The following CAGE1 variants were observed in gnomAD, a reference collection of about 807,000 sequenced individuals.
CAGE1 encodes cancer-associated gene 1 protein.
A neutral mutation model predicts 94.9 loss-of-function variants in CAGE1; 66 were observed. The observed-to-expected ratio is 0.70, with a 90% confidence interval of 0.57 to 0.85. The LOEUF is 0.85. CAGE1 is among the 40% of genes least tolerant of loss of function. The probability of loss-of-function intolerance (pLI) is 0.00; values close to 1 mark genes in which losing one functional copy is unlikely to be tolerated. For synonymous variants in CAGE1, 319 were observed against 321.0 expected (o/e 0.99, Z 0.07); for missense variants, 865 against 950.4 (o/e 0.91, Z 1.18).
Position 7,365,537 on chromosome 6 carries a change from T to C in CAGE1, c.2124A>G (p.Arg708=). 1.2e-6 allele frequency: 2 copies of C among 1,612,294 alleles called. No homozygotes were observed. The highest frequency in any genetic ancestry group is 1.7e-6 in the Non-Finnish European group (2 of 1,178,604). ...TGGCTCCCAGAAGGGTAGGTACATC[T>C]CTGATACTCTTGGCTTCATCTGAAT... ...DCDSDEAKSI[R]DVPTLLGAKL... Residue 708 remains arginine (R), a synonymous_variant, in exon 9 of 14, where the codon AGA becomes AGG. Coordinates refer to ENST00000502583, the MANE Select transcript of CAGE1 (RefSeq NM_001170692.2).
chr6:7,347,860 A>G (rs905204562), intron 11 of CAGE1, among the ~76,000 whole-genome samples: 3 of 152,142 alleles, frequency 2.0e-5, no homozygotes, highest in African/African-American at 7.2e-5. Context: ...TCCTAGGTAC[A>G]CAACTCCAGT....
chr6:7,344,644 G>A (rs768069732), intron 11 of CAGE1, among the ~76,000 whole-genome samples: 6 of 152,220 alleles, frequency 3.9e-5, no homozygotes, highest in Admixed American at 1.3e-4. Flanking sequence ...CTGCAGCCCC[G>A]GTGCCGGATC....
intron 2 of CAGE1, among the ~76,000 whole-genome samples, chr6:7,386,099 AT>A (rs1244743168): frequency 2.0e-5 from 3 of 152,318 alleles, no homozygotes; most frequent in South Asian, 2.1e-4. Context: ...TTATTTTAAT[AT>A]TTTGGTTTTT....
chr6:7,389,641 A>C lies in CAGE1; in HGVS notation c.-463T>G. ...GGGTACAGAAACGAAAACTCCGGGAAGAAACGGCCAGCACGGGCCTCGCCG... is the reference window on the plus strand; with the variant it reads ...GGGTACAGAAACGAAAACTCCGGGACGAAACGGCCAGCACGGGCCTCGCCG... On this transcript the variant is annotated 5_prime_UTR_variant, in exon 1 of 14. Transcript: ENST00000502583. 3 of 373,254 alleles carry C rather than the reference A, an allele frequency of 8.0e-6. No individual in the cohort carries two copies. Among genetic ancestry groups the C allele is most frequent in the Non-Finnish European group, 1.5e-5 (3 of 195,464 alleles). 23.1% of individuals were successfully genotyped at this position (373,254 alleles called of 1,614,324 possible).
intron 9 of CAGE1, among the ~76,000 whole-genome samples, chr6:7,360,480 G>T (rs1306660388): frequency 6.6e-6 from 1 of 152,186 alleles, no homozygotes; most frequent in African/African-American, 2.4e-5. Context: ...CACTCTGATA[G>T]TGTCAACTTA....
intron 6 of CAGE1, 80 bp downstream of exon 6, chr6:7,369,839 C>A: frequency 7.6e-7 from 1 of 1,322,664 alleles, no homozygotes. Context: ...CAACTTAATT[C>A]CTTTTATTGC....
At chr6:7,337,189 T>C (rs1314665875) in intron 11 of CAGE1, among the ~76,000 whole-genome samples, 2 of 152,026 alleles carry the variant, frequency 1.3e-5, no homozygotes, top group Non-Finnish European at 2.9e-5. Flanking sequence ...TAGCCCAGTG[T>C]GGTGGCGTGC....
At chr6:7,347,985 C>A (rs1297375127) in intron 11 of CAGE1, among the ~76,000 whole-genome samples, 1 of 152,098 alleles carries the variant, frequency 6.6e-6, no homozygotes, top group Admixed American at 6.5e-5. Context: ...TCCCTATCCA[C>A]CCCTGGTAGC....
chr6:7,351,149 C>T (rs144257254), intron 11 of CAGE1, among the ~76,000 whole-genome samples: 1 of 152,210 alleles, frequency 6.6e-6, no homozygotes, highest in African/African-American at 2.4e-5. Context: ...TACAGAAGAT[C>T]ATTCAATGCT....
intron 4 of CAGE1, among the ~76,000 whole-genome samples, chr6:7,378,148 T>C (rs1451035692): frequency 1.3e-5 from 2 of 152,224 alleles, no homozygotes; most frequent in Non-Finnish European, 2.9e-5. Context: ...GTCTACACAG[T>C]AGCCATTCTT....
Position 7,326,825 on chromosome 6 carries a change from C to T in CAGE1, c.*33G>A. The stretch of plus-strand genomic sequence containing the variant: ...TAATGACTCTTCCTGGAGTGGTTGA[C>T]AAAAATGATTACTGTTTAATCTTCA... On this transcript the variant is annotated 3_prime_UTR_variant, in exon 14 of 14. Transcript: ENST00000502583. The T allele has an allele frequency of 2.0e-6, 3 of 1,492,120 alleles. No homozygotes were observed. Among genetic ancestry groups the T allele is most frequent in the Non-Finnish European group, 2.8e-6 (3 of 1,069,540 alleles). The allele number at this position is 1,492,120 out of a possible 1,614,324, so 92.4% of individuals were successfully genotyped here.
At chr6:7,331,185 C>T (rs1232603418) in intron 12 of CAGE1, 1 of 298,064 alleles carries the variant, frequency 3.4e-6, no homozygotes, top group African/African-American at 2.2e-5. Flanking sequence ...AAATAACGTA[C>T]ATTTCCATGA....
chr6:7,346,665 G>A (rs987894459), intron 11 of CAGE1, among the ~76,000 whole-genome samples: 1 of 151,768 alleles, frequency 6.6e-6, no homozygotes, highest in Non-Finnish European at 1.5e-5. Flanking sequence ...TGGCCAACAC[G>A]GCAAAACCCT....
chr6:7,335,949 T>TTATAATTTAAAAATGCA (rs1243125506), intron 11 of CAGE1, among the ~76,000 whole-genome samples: 1 of 152,044 alleles, frequency 6.6e-6, no homozygotes, highest in African/African-American at 2.4e-5. Context: ...ATTCTGGCAA[T>TTATAATTTAAAAATGCA]TAATTTAAAA....
chr6:7,330,643 G>C (rs1758711502), intron 12 of CAGE1, among the ~76,000 whole-genome samples: 1 of 152,172 alleles, frequency 6.6e-6, no homozygotes, highest in African/African-American at 2.4e-5. Context: ...TGCAGAGTAA[G>C]CTGAAGCTTG....
At chr6:7,334,692 C>T (rs553908145) in intron 11 of CAGE1, among the ~76,000 whole-genome samples, 102 of 135,754 alleles carry the variant, frequency 7.5e-4, no homozygotes, top group African/African-American at 2.7e-3. Flanking sequence ...CGTGCCACTG[C>T]ACTTCAGCCT....
At chr6:7,361,773 C>G (rs1760174459) in intron 9 of CAGE1, among the ~76,000 whole-genome samples, 1 of 152,092 alleles carries the variant, frequency 6.6e-6, no homozygotes, top group Non-Finnish European at 1.5e-5. Flanking sequence ...CTGTAAAATG[C>G]CAGGATGCTT....
chr6:7,371,315 T>A (rs777039607), intron 5 of CAGE1, among the ~76,000 whole-genome samples: 1 of 152,198 alleles, frequency 6.6e-6, no homozygotes, highest in Non-Finnish European at 1.5e-5. Flanking sequence ...TAATCCTTTT[T>A]TCTTAGATCT....
Position 7,334,081 on chromosome 6 carries a change from C to G in CAGE1, c.2379G>C (p.Glu793Asp). Residue 793 changes from glutamate (E) to aspartate (D), a missense_variant, in exon 12 of 14, where the codon GAG (glutamate) becomes GAC (aspartate). Coordinates refer to ENST00000502583, the MANE Select transcript of CAGE1 (RefSeq NM_001170692.2). ...TTAAATCCTCTAAATGTTTATTTCTCTCTTCCAAACTGAAAGAAGAAACAA... is the reference window on the plus strand; with the variant it reads ...TTAAATCCTCTAAATGTTTATTTCTGTCTTCCAAACTGAAAGAAGAAACAA... The part of the protein sequence containing the change: ...ISHSQIAHLE[E>D]RNKHLEDLIR... The G allele has an allele frequency of 2.6e-6, 4 of 1,522,530 alleles. No individual in the cohort carries two copies. The South Asian group carries it at 4.9e-5, about 19-fold the overall frequency. 94.3% of individuals were successfully genotyped at this position (1,522,530 alleles called of 1,614,324 possible).
Sources: gnomAD v4.1 joint callset for allele counts (sites outside exome capture counted in the v4.1 genomes callset) on GRCh38, gnomAD v4.1.1 for gene constraint, MANE v1.5 for transcripts, NCBI Gene and HGNC (gene_info 2026-07-23, HGNC 2026-07-21) for gene names.